Variants in ANKRD6 observed in about 807,000 individuals in gnomAD.
ANKRD6 encodes the protein ankyrin repeat domain-containing protein 6.
In ANKRD6, 56 loss-of-function variants were observed where a neutral mutation model predicts 82.3. The ratio of observed to expected loss-of-function variants is 0.68; its 90% confidence interval spans 0.55 to 0.85. The LOEUF (loss-of-function observed/expected upper bound fraction) is 0.85, where lower values mean the gene tolerates loss of function less well. Ranked by LOEUF, ANKRD6 falls within the 40% of genes least tolerant of loss-of-function variation. The probability of loss-of-function intolerance (pLI) is 0.00; values close to 1 mark genes in which losing one functional copy is unlikely to be tolerated. For synonymous variants in ANKRD6, 347 were observed against 352.1 expected, an observed-to-expected ratio of 0.99 and a Z score of 0.16; for missense variants, 852 against 907.6, an observed-to-expected ratio of 0.94 and a Z score of 0.79.
intron 1 of ANKRD6, among the ~76,000 whole-genome samples, chr6:89,460,253 T>C (rs1297434661): frequency 1.3e-5 from 2 of 151,912 alleles, no homozygotes; most frequent in African/African-American, 2.4e-5. Context: ...AACAAATTTT[T>C]TCTTTTTTTA....
At chr6:89,496,762 G>A (rs1038563166) in intron 1 of ANKRD6, among the ~76,000 whole-genome samples, 3 of 152,144 alleles carry the variant, frequency 2.0e-5, no homozygotes, top group Non-Finnish European at 2.9e-5. Flanking sequence ...GATCTCAGGT[G>A]ATCCGGGAGA....
rs1293911228 is a variant in ANKRD6 at position 89,453,752 on chromosome 6, T to TTTA, written c.-144+20379_-144+20380insATT. On this transcript the variant is annotated intron_variant, in intron 1 of 15. Coordinates refer to ENST00000339746, the MANE Select transcript of ANKRD6 (RefSeq NM_001242809.2). ...ACGCCACCCAGCTAATTTTTGTATT[T>TTTA]TTTATTTATTTATTTATTTATTTAA... is the stretch of plus-strand genomic sequence containing the variant. Among the ~76,000 whole-genome samples the TTTA allele has an allele frequency of 9.9e-5, 15 of 150,872 alleles. No individual in the cohort carries two copies. In the East Asian group the frequency reaches 1.9e-3, roughly 19 times the overall value.
At chr6:89,506,179 G>A (rs1452499943) in intron 1 of ANKRD6, among the ~76,000 whole-genome samples, 4 of 152,142 alleles carry the variant, frequency 2.6e-5, no homozygotes, top group African/African-American at 9.7e-5. Flanking sequence ...CTTGAAAATT[G>A]CAAGGAGAGT....
intron 1 of ANKRD6, among the ~76,000 whole-genome samples, chr6:89,498,978 G>A (rs1240923530): frequency 6.6e-6 from 1 of 152,138 alleles, no homozygotes; most frequent in Non-Finnish European, 1.5e-5. Context: ...TTCCTCTACT[G>A]TTGAGACTGG....
At position 89,606,017 on chromosome 6, in the gene ANKRD6, C is replaced by T. The variant is rs1473168440; in HGVS notation, c.329C>T (p.Thr110Ile). 3.1e-6 allele frequency: 5 copies of T among 1,591,894 alleles called. No homozygotes were observed. The highest frequency in any genetic ancestry group is 4.3e-6 in the Non-Finnish European group (5 of 1,167,738). The change falls in exon 5 of 16, where the codon ACA becomes ATA. Residue 110 changes from threonine (T) to isoleucine (I), a missense_variant. Thr to Ile is a moderately conservative substitution (Grantham distance 89). Transcript: ENST00000339746. ...GTGTGTCTTCCTTAGGATGGGAATA[C>T]AGCCTTGCATGAAGCATCCTGGCAT... is the stretch of plus-strand genomic sequence containing the variant. Reference protein sequence around the residue: ...ALDRQDKDGNTALHEASWHGF... With the variant: ...ALDRQDKDGNIALHEASWHGF...
chr6:89,465,743 G>C (rs1225392002), intron 1 of ANKRD6, among the ~76,000 whole-genome samples: 1 of 152,010 alleles, frequency 6.6e-6, no homozygotes, highest in East Asian at 1.9e-4. Context: ...CATACCTGTG[G>C]TCCCATTTGC....
intron 1 of ANKRD6, among the ~76,000 whole-genome samples, chr6:89,486,859 A>G (rs913347581): frequency 3.3e-5 from 5 of 152,290 alleles, no homozygotes; most frequent in South Asian, 2.1e-4. Context: ...ATCTCTTCTC[A>G]TAAGGGCACT....
intron 1 of ANKRD6, among the ~76,000 whole-genome samples, chr6:89,451,300 C>T (rs1319103585): frequency 1.3e-5 from 2 of 152,098 alleles, no homozygotes; most frequent in East Asian, 3.8e-4. Flanking sequence ...CAGAGTGAGA[C>T]CCTATCTCAA....
chr6:89,435,151 A>C (rs1026703951), intron 1 of ANKRD6, among the ~76,000 whole-genome samples: 1 of 152,048 alleles, frequency 6.6e-6, no homozygotes, highest in South Asian at 2.1e-4. Context: ...CACACTTCCA[A>C]CTCCCAAGGC....
At chr6:89,545,592 T>C (rs1247372816) in intron 1 of ANKRD6, among the ~76,000 whole-genome samples, 1 of 152,208 alleles carries the variant, frequency 6.6e-6, no homozygotes, top group Non-Finnish European at 1.5e-5. Flanking sequence ...CCAGAATTCC[T>C]GTGTGACGGG....
chr6:89,573,490 T>G (rs1413808960), intron 2 of ANKRD6, among the ~76,000 whole-genome samples: 1 of 152,204 alleles, frequency 6.6e-6, no homozygotes, highest in Non-Finnish European at 1.5e-5. Context: ...CTGATTGATC[T>G]GGGTTGCTCT....
chr6:89,442,562 C>G (rs1454994371), intron 1 of ANKRD6, among the ~76,000 whole-genome samples: 1 of 149,856 alleles, frequency 6.7e-6, no homozygotes, highest in East Asian at 2.0e-4. Context: ...GGTCGAGACT[C>G]CAGTGAGCCA....
chr6:89,616,481 C>A, intron 7 of ANKRD6, 78 bp from the exon 8 acceptor site: 1 of 1,388,780 alleles, frequency 7.2e-7, no homozygotes, highest in Non-Finnish European at 1.0e-6. Context: ...AAGAGCCACA[C>A]CTAGGCCAGG....
At chr6:89,575,373 A>G (rs1790881372) in intron 2 of ANKRD6, among the ~76,000 whole-genome samples, 1 of 152,162 alleles carries the variant, frequency 6.6e-6, no homozygotes, top group African/African-American at 2.4e-5. Flanking sequence ...GGAGGGCAGG[A>G]AGAGGTCAGA....
At position 89,603,053 on chromosome 6, in the gene ANKRD6, G is replaced by A; in HGVS notation, c.244G>A (p.Ala82Thr). The A allele has an allele frequency of 6.2e-7, 1 of 1,607,788 alleles. No homozygotes were observed. The highest frequency in any genetic ancestry group is 8.5e-7 in the Non-Finnish European group (1 of 1,177,528). Residue 82 changes from alanine to threonine, a missense_variant, in exon 4 of 16, where the codon GCC becomes ACC. Physicochemically the swap from Ala to Thr is moderately conservative, Grantham distance 58. Coordinates refer to ENST00000339746, the MANE Select transcript of ANKRD6 (RefSeq NM_001242809.2). ...DDGDQTALHR[A>T]TVVGNTEIIA... Reference sequence around the variant, plus strand: ...GGGGGACCAGACCGCCTTGCACCGGGCCACAGTGGTGGGGAACACGGAGAT... The same window carrying A: ...GGGGGACCAGACCGCCTTGCACCGGACCACAGTGGTGGGGAACACGGAGAT...
chr6:89,434,146 C>T (rs902757468), intron 1 of ANKRD6, among the ~76,000 whole-genome samples: 1 of 152,206 alleles, frequency 6.6e-6, no homozygotes, highest in Non-Finnish European at 1.5e-5. Flanking sequence ...GGAGTTCTGA[C>T]TCCACCACTT....
chr6:89,600,197 A>G (rs1796806792), intron 3 of ANKRD6, among the ~76,000 whole-genome samples: 1 of 152,232 alleles, frequency 6.6e-6, no homozygotes, highest in Non-Finnish European at 1.5e-5. Flanking sequence ...ATTTTCTCAA[A>G]GGAAGCAAAT....
Position 89,435,758 on chromosome 6 carries a change from C to G in ANKRD6, c.-144+2383C>G, listed in dbSNP as rs150909990. Among the ~76,000 whole-genome samples, 418 of 152,222 alleles carry G rather than the reference C, an allele frequency of 2.7e-3. 2 individuals carry two copies. Among genetic ancestry groups the G allele is most frequent in the Non-Finnish European group, 3.7e-3 (252 of 68,012 alleles). On this transcript the variant is annotated intron_variant, in intron 1 of 15. Transcript: ENST00000339746. ...GGGAAAACAGTAATTTGGGTGCGTG[C>G]GTTTTAGAAGTTTTTTTAAAAATGC...
intron 1 of ANKRD6, among the ~76,000 whole-genome samples, chr6:89,456,553 G>A: frequency 6.6e-6 from 1 of 152,088 alleles, no homozygotes; most frequent in Non-Finnish European, 1.5e-5. Flanking sequence ...TACCCTAATG[G>A]CCTCATTTTA....
Sources: gnomAD v4.1 joint callset for allele counts (sites outside exome capture counted in the v4.1 genomes callset) on GRCh38, gnomAD v4.1.1 for gene constraint, MANE v1.5 for transcripts, NCBI Gene and HGNC (gene_info 2026-07-23, HGNC 2026-07-21) for gene names.